Variants in NUP210L observed in about 807,000 individuals in gnomAD.
NUP210L encodes the protein nucleoporin 210 like.
In NUP210L, 74 loss-of-function variants were observed where a neutral mutation model predicts 208.5. The observed-to-expected ratio is 0.35, with a 90% confidence interval of 0.29 to 0.43. NUP210L has a LOEUF of 0.43. Ranked by LOEUF, NUP210L falls within the 20% of genes least tolerant of loss-of-function variation. The probability of loss-of-function intolerance (pLI) is 1.00; values close to 1 mark genes in which losing one functional copy is unlikely to be tolerated. For synonymous variants in NUP210L, 780 were observed against 816.9 expected (o/e 0.95, Z 0.77); for missense variants, 1,843 against 2,289.4 (o/e 0.81, Z 3.98).
chr1:154,050,339 C>A lies in NUP210L; in HGVS notation c.3483+3889G>T, dbSNP rs555729161. ...TTAGAGGAGATCCTAGTCTCACTAG[C>A]CCTCGACAATTAACAAAGGAGGCTG... On this transcript the variant is annotated intron_variant, in intron 25 of 39. Coordinates refer to ENST00000368559, the Ensembl canonical transcript of NUP210L. Among the ~76,000 whole-genome samples the A allele has an allele frequency of 7.9e-5, 12 of 152,256 alleles. No individual in the cohort carries two copies. In the East Asian group the frequency reaches 2.3e-3, roughly 29 times the overall value.
chr1:154,152,718 T>A lies in NUP210L; in HGVS notation c.340+18A>T. On this transcript the variant is annotated intron_variant, in intron 2 of 39. Coordinates refer to ENST00000368559, the Ensembl canonical transcript of NUP210L. ...ACCCCAGAAGAAGTGATACATAGTG[T>A]TTTTGCTCTCAACATACCTATTTCT... 6.2e-7 allele frequency: 1 copy of A among 1,610,182 alleles called. No homozygotes were observed. Among genetic ancestry groups the A allele is most frequent in the South Asian group, 1.1e-5 (1 of 90,802 alleles).
At chr1:153,995,587 T>G (rs756400319) in intron 37 of NUP210L, 1 of 786,308 alleles carries the variant, frequency 1.3e-6, no homozygotes, top group Non-Finnish European at 2.2e-6. Context: ...AAATGCTGGT[T>G]ACCACTTCTT....
chr1:154,015,284 A>C (rs1056189150), intron 33 of NUP210L, among the ~76,000 whole-genome samples: 38 of 150,708 alleles, frequency 2.5e-4, no homozygotes, highest in African/African-American at 9.2e-4. Flanking sequence ...GGATGTTAAA[A>C]AAAAAAAAAA....
intron 23 of NUP210L, among the ~76,000 whole-genome samples, chr1:154,056,065 A>T (rs1653850905): frequency 6.6e-6 from 1 of 152,208 alleles, no homozygotes; most frequent in African/African-American, 2.4e-5. Context: ...TCTCAAACGA[A>T]CAAAAAAACA....
intron 27 of NUP210L, among the ~76,000 whole-genome samples, chr1:154,041,531 A>G: frequency 6.6e-6 from 1 of 151,868 alleles, no homozygotes. Flanking sequence ...GCGTTTCACC[A>G]TGTTGGCCAG....
At chr1:154,102,536 T>C (rs1656522278) in intron 13 of NUP210L, among the ~76,000 whole-genome samples, 1 of 152,146 alleles carries the variant, frequency 6.6e-6, no homozygotes, top group African/African-American at 2.4e-5. Context: ...TGTATGTATG[T>C]AGTATAATGA....
chr1:154,001,580 T>C (rs538701602), intron 36 of NUP210L, among the ~76,000 whole-genome samples, 155 bp downstream of exon 36: 43 of 152,322 alleles, frequency 2.8e-4, no homozygotes, highest in African/African-American at 9.6e-4. Flanking sequence ...CCTGGCATTA[T>C]GAAGGAGATG....
At chr1:154,053,358 G>A (rs185798206) in intron 25 of NUP210L, among the ~76,000 whole-genome samples, 87 of 152,332 alleles carry the variant, frequency 5.7e-4, no homozygotes, top group Non-Finnish European at 1.1e-3. Context: ...TCTGAGAGAA[G>A]TAGCTCACCA....
chr1:154,106,062 A>G (rs1571279436), intron 12 of NUP210L, among the ~76,000 whole-genome samples: 2 of 152,010 alleles, frequency 1.3e-5, no homozygotes, highest in Non-Finnish European at 1.5e-5. Context: ...GGTGTTCGAG[A>G]CCAGCCTGGC....
At chr1:154,011,299 C>T (rs1446032097) in intron 34 of NUP210L, among the ~76,000 whole-genome samples, 1 of 150,324 alleles carries the variant, frequency 6.7e-6, no homozygotes, top group Non-Finnish European at 1.5e-5. Flanking sequence ...TCTCAGCTCA[C>T]TGCAACCTCT....
At chr1:154,052,364 T>C (rs184916135) in intron 25 of NUP210L, among the ~76,000 whole-genome samples, 1 of 152,260 alleles carries the variant, frequency 6.6e-6, no homozygotes, top group Non-Finnish European at 1.5e-5. Flanking sequence ...GTTGCAGCCA[T>C]GTCAAGACTG....
intron 13 of NUP210L, among the ~76,000 whole-genome samples, chr1:154,103,165 G>A (rs1274351220): frequency 1.3e-5 from 2 of 151,862 alleles, no homozygotes; most frequent in South Asian, 4.2e-4. Context: ...AGGCTGAGGC[G>A]GGCAGATCAC....
At chr1:154,058,345 A>T in intron 21 of NUP210L, 129 bp from the exon 22 acceptor site, 1 of 1,101,282 alleles carries the variant, frequency 9.1e-7, no homozygotes, top group Non-Finnish European at 1.3e-6. Context: ...CAATCAAATA[A>T]GCTTAATCTA....
In NUP210L at chr1:154,100,160, A is replaced by G; in HGVS notation, c.1820-17T>C. ...TTTGAATACCTGTGAATCAAAAACC[A>G]TGATTTTGGCAGGGCGTGGTGGCTC... On this transcript the variant is annotated splice_polypyrimidine_tract_variant and intron_variant, in intron 13 of 39. Transcript: ENST00000368559. 1 of 1,613,376 alleles carries G rather than the reference A, an allele frequency of 6.2e-7. No individual in the cohort carries two copies. Among genetic ancestry groups the G allele is most frequent in the Non-Finnish European group, 8.5e-7 (1 of 1,179,470 alleles).
chr1:154,153,468 C>A lies in NUP210L; in HGVS notation c.204-596G>T, dbSNP rs1385811116. 2.6e-5 allele frequency among the ~76,000 whole-genome samples: 4 copies of A among 152,234 alleles called. No individual in the cohort carries two copies. In the East Asian group the frequency reaches 7.7e-4, roughly 29 times the overall value. Reference sequence around the variant, plus strand: ...GAGATTACAGGTGTCTGCCACTATGCCCGACTAATTTTTGTATTTTTAGTA... The same window carrying A: ...GAGATTACAGGTGTCTGCCACTATGACCGACTAATTTTTGTATTTTTAGTA... On this transcript the variant is annotated intron_variant, in intron 1 of 39. Transcript: ENST00000368559.
chr1:154,090,810 T>TA (rs78712088), intron 15 of NUP210L, among the ~76,000 whole-genome samples: 73 of 135,698 alleles, frequency 5.4e-4, no homozygotes, highest in South Asian at 1.9e-3. Context: ...AAACTACATC[T>TA]AAAAAAAAAA....
chr1:154,002,470 T>TAAAA (rs766497981), intron 35 of NUP210L, among the ~76,000 whole-genome samples: 3 of 151,896 alleles, frequency 2.0e-5, no homozygotes, highest in Non-Finnish European at 4.4e-5. Context: ...CCATCTCTAC[T>TAAAA]AAAAATACGA....
rs1199988343 is a variant in NUP210L at position 154,012,388 on chromosome 1, G to A, written c.4654-18C>T. ...ACCACCACCTGTCAGCAAATCAAAG[G>A]AAAATCTGCACCTAAGTTCCTAGAG... On this transcript the variant is annotated intron_variant, in intron 33 of 39. Transcript: ENST00000368559. 1 of 1,607,716 alleles carries A rather than the reference G, an allele frequency of 6.2e-7. No individual in the cohort carries two copies. Among genetic ancestry groups the A allele is most frequent in the Non-Finnish European group, 8.5e-7 (1 of 1,177,874 alleles).
intron 25 of NUP210L, among the ~76,000 whole-genome samples, chr1:154,052,046 T>C (rs549392745): frequency 6.6e-6 from 1 of 152,364 alleles, no homozygotes; most frequent in African/African-American, 2.4e-5. Flanking sequence ...GGGACCCCCG[T>C]ATGCAACTGA....
Sources: gnomAD v4.1 joint callset for allele counts (sites outside exome capture counted in the v4.1 genomes callset) on GRCh38, gnomAD v4.1.1 for gene constraint, MANE v1.5 for transcripts, NCBI Gene and HGNC (gene_info 2026-07-23, HGNC 2026-07-21) for gene names.